SOX5: variants seen among roughly 807,000 people sequenced by gnomAD.
SOX5 encodes SRY-box transcription factor 5.
SOX5 carries 9 observed loss-of-function variants against 92.0 expected under a neutral mutation model. The observed-to-expected ratio is 0.10, with a 90% CI of 0.06 to 0.17. The LOEUF is 0.17. Ranked by LOEUF, SOX5 falls within the 10% of genes least tolerant of loss-of-function variation. SOX5 has a pLI of 1.00. For missense variants in SOX5, 642 were observed against 944.5 expected (o/e 0.68, Z 4.20); for synonymous variants, 344 against 336.3 (o/e 1.02, Z -0.25).
At chr12:24,281,084 T>G (rs1203160922) in intron 2 of SOX5, among the ~76,000 whole-genome samples, 1 of 151,626 alleles carries the variant, frequency 6.6e-6, no homozygotes, top group Non-Finnish European at 1.5e-5. Context: ...TTACTTTTTG[T>G]TTCCATGGGT....
intron 4 of SOX5, among the ~76,000 whole-genome samples, chr12:24,109,027 A>G (rs1023210586): frequency 6.6e-6 from 1 of 152,110 alleles, no homozygotes; most frequent in Non-Finnish European, 1.5e-5. Context: ...CTTATTTCCA[A>G]TGTTCTGAAT....
intron 8 of SOX5, among the ~76,000 whole-genome samples, chr12:23,617,418 A>C (rs2076693870): frequency 6.6e-6 from 1 of 152,202 alleles, no homozygotes. Context: ...TTAAAAAGCT[A>C]TAGTGAATAC....
chr12:24,468,337 A>AAAGATTGATCC (rs1566240218), intron 1 of SOX5, among the ~76,000 whole-genome samples: 15 of 152,218 alleles, frequency 9.9e-5, no homozygotes, highest in African/African-American at 3.1e-4. Context: ...TGGGGATGTA[A>AAAGATTGATCC]CAGTGGTGTA....
At chr12:24,204,416 C>A (rs1472836309) in intron 4 of SOX5, among the ~76,000 whole-genome samples, 2 of 152,002 alleles carry the variant, frequency 1.3e-5, no homozygotes, top group Admixed American at 6.6e-5. Flanking sequence ...GCAACCTCCA[C>A]CTCTTGGGTT....
At chr12:24,131,056 T>C (rs912741343) in intron 4 of SOX5, among the ~76,000 whole-genome samples, 1 of 152,204 alleles carries the variant, frequency 6.6e-6, no homozygotes, top group African/African-American at 2.4e-5. Flanking sequence ...AAATTTATCA[T>C]TTAAGATTCA....
At chr12:23,832,430 T>G (rs2096342947) in intron 3 of SOX5, among the ~76,000 whole-genome samples, 2 of 152,038 alleles carry the variant, frequency 1.3e-5, no homozygotes, top group Non-Finnish European at 2.9e-5. Flanking sequence ...ATCCGGTGTT[T>G]CGGTATATAA....
At chr12:24,087,078 CATGCAT>C (rs1593028428) in intron 4 of SOX5, among the ~76,000 whole-genome samples, 2 of 152,118 alleles carry the variant, frequency 1.3e-5, no homozygotes, top group East Asian at 3.9e-4. Context: ...ACTAAGGGCT[CATGCAT>C]ATGTTTCTAC....
At chr12:24,009,086 C>T (rs1952631274) in intron 4 of SOX5, among the ~76,000 whole-genome samples, 1 of 152,150 alleles carries the variant, frequency 6.6e-6, no homozygotes, top group Non-Finnish European at 1.5e-5. Flanking sequence ...TACAGCCATC[C>T]CAGCAGACAT....
chr12:24,142,225 G>A (rs956197205), intron 4 of SOX5, among the ~76,000 whole-genome samples: 1 of 152,132 alleles, frequency 6.6e-6, no homozygotes, highest in Admixed American at 6.5e-5. Flanking sequence ...AGGAGATTGG[G>A]GGTAAGCAGC....
At chr12:23,568,685 T>G (rs1425737114) in intron 10 of SOX5, among the ~76,000 whole-genome samples, 1 of 152,056 alleles carries the variant, frequency 6.6e-6, no homozygotes, top group Non-Finnish European at 1.5e-5. Flanking sequence ...AGGTCTCTCC[T>G]TTACCCTCTA....
chr12:23,770,300 G>A (rs775361701), intron 3 of SOX5, among the ~76,000 whole-genome samples: 11 of 149,132 alleles, frequency 7.4e-5, no homozygotes, highest in South Asian at 4.4e-4. Context: ...CCCACCCAAC[G>A]CAGAGGACTA....
chr12:24,524,955 C>T lies in SOX5; in HGVS notation c.-251+37374G>A, dbSNP rs186232131. Among the ~76,000 whole-genome samples, 269 of 152,244 alleles carry T rather than the reference C, an allele frequency of 1.8e-3. 1 individual carries two copies. Among genetic ancestry groups the T allele is most frequent in the Non-Finnish European group, 3.3e-3 (222 of 68,010 alleles). The stretch of plus-strand genomic sequence containing the variant: ...CTCCACTCTGAGTGACACAACAGGA[C>T]CCTGTCTCAAACAAACACAAAAAAA... On this transcript the variant is annotated intron_variant, in intron 1 of 4. Coordinates refer to the SOX5 transcript ENST00000446891.
intron 1 of SOX5, among the ~76,000 whole-genome samples, chr12:24,525,748 T>C (rs909176193): frequency 5.3e-5 from 8 of 151,680 alleles, no homozygotes; most frequent in African/African-American, 1.5e-4. Context: ...GGCGGGCGCC[T>C]GTAGTCCCAG....
At chr12:24,128,658 T>C (rs1949347375) in intron 4 of SOX5, among the ~76,000 whole-genome samples, 1 of 152,186 alleles carries the variant, frequency 6.6e-6, no homozygotes, top group African/African-American at 2.4e-5. Context: ...GTTCTCAAAA[T>C]GGAAGTGACA....
Position 24,431,296 on chromosome 12 carries a change from CATG to C in SOX5, c.-250-62660_-250-62658del, listed in dbSNP as rs76469473. ...TCCTAGCAACAAGTGTATTGAGAAC[CATG>C]ATAATTGAGAGGCAATTCTATTACA... is the stretch of plus-strand genomic sequence containing the variant. On this transcript the variant is annotated intron_variant, in intron 1 of 4. Transcript: ENST00000446891. Among the ~76,000 whole-genome samples, 716 of 152,178 alleles carry C rather than the reference CATG, an allele frequency of 4.7e-3. 11 individuals carry two copies. The East Asian group carries it at 0.054, about 11-fold the overall frequency.
rs572014555 is a variant in SOX5, at chr12:23,743,067, TG to T, written c.569-2029del. ...TCAAATAAGAATAACCAAATAATTATGGGTCATCCATGGTATTTTGTAACCA... is the reference window on the plus strand; with the variant it reads ...TCAAATAAGAATAACCAAATAATTATGGTCATCCATGGTATTTTGTAACCA... On this transcript the variant is annotated intron_variant, in intron 4 of 14. Coordinates refer to ENST00000451604, the MANE Select transcript of SOX5 (RefSeq NM_006940.6). Among the ~76,000 whole-genome samples the T allele has an allele frequency of 2.2e-4, 34 of 152,300 alleles. 1 individual carries two copies. In the South Asian group the frequency reaches 6.8e-3, roughly 31 times the overall value.
chr12:23,857,506 A>G (rs2096705996), intron 2 of SOX5, among the ~76,000 whole-genome samples: 1 of 152,200 alleles, frequency 6.6e-6, no homozygotes, highest in Admixed American at 6.5e-5. Context: ...GGTTACACTC[A>G]GAAAGGAGCT....
intron 1 of SOX5, among the ~76,000 whole-genome samples, chr12:24,394,410 C>T (rs953374769): frequency 5.9e-5 from 9 of 152,090 alleles, no homozygotes; most frequent in Non-Finnish European, 1.2e-4. Context: ...TGCAGGAGCC[C>T]GGCCGCCACT....
At chr12:24,276,649 A>T (rs1423120931) in intron 3 of SOX5, among the ~76,000 whole-genome samples, 1 of 152,180 alleles carries the variant, frequency 6.6e-6, no homozygotes, top group African/African-American at 2.4e-5. Flanking sequence ...TCCCAAGAGT[A>T]TAACATTTTT....
Sources: allele counts gnomAD v4.1 joint callset (sites outside exome capture counted in the v4.1 genomes callset), GRCh38; gene constraint gnomAD v4.1.1; transcripts MANE v1.5; gene names NCBI Gene and HGNC (gene_info 2026-07-23, HGNC 2026-07-21).